The following KIF1A variants were observed in gnomAD, a reference collection of about 807,000 sequenced individuals.
KIF1A encodes the protein kinesin-like protein KIF1A.
In KIF1A, 46 loss-of-function variants were observed where a neutral mutation model predicts 227.3. The observed-to-expected ratio is 0.20, with a 90% CI of 0.16 to 0.26. The LOEUF (loss-of-function observed/expected upper bound fraction) is 0.26, where lower values mean the gene tolerates loss of function less well. KIF1A is among the 10% of genes least tolerant of loss of function. The probability of loss-of-function intolerance (pLI) is 1.00; values close to 1 mark genes in which losing one functional copy is unlikely to be tolerated. For missense variants in KIF1A, 1,683 were observed against 2,485.9 expected, an observed-to-expected ratio of 0.68 and a Z score of 6.87; for synonymous variants, 1,022 against 1,012.8, an observed-to-expected ratio of 1.01 and a Z score of -0.17.
rs770455518 is a variant in KIF1A at position 240,721,032 on chromosome 2, C to T, written c.4750G>A (p.Glu1584Lys). 27 of 1,611,562 alleles carry T rather than the reference C, an allele frequency of 1.7e-5. No individual in the cohort carries two copies. Among genetic ancestry groups the T allele is most frequent in the Non-Finnish European group, 2.1e-5 (25 of 1,179,468 alleles). ...CVSASESKLS[E>K]MSVTLLRDPS... is the part of the protein sequence containing the mutation. ...TCCCGGAGCAGGGTGACAGACATCT[C>T]GGAGAGCTGCGGAGGAGAGGCCTTT... Residue 1584 changes from glutamate to lysine, a missense_variant, in exon 45 of 49, where the codon GAG becomes AAG. Coordinates refer to ENST00000498729, the MANE Select transcript of KIF1A (RefSeq NM_001244008.2).
chr2:240,770,611 T>A (rs571194748), intron 15 of KIF1A, among the ~76,000 whole-genome samples: 1 of 152,110 alleles, frequency 6.6e-6, no homozygotes, highest in South Asian at 2.1e-4. Flanking sequence ...ACAGGAAGAG[T>A]CTCAGTCCTG....
intron 10 of KIF1A, among the ~76,000 whole-genome samples, chr2:240,780,668 CA>C (rs2053544111): frequency 6.6e-6 from 1 of 151,974 alleles, no homozygotes; most frequent in East Asian, 1.9e-4. Context: ...CTCGGGTTCC[CA>C]CCACGGTTCC....
At chr2:240,805,138 A>AGGGGAGGGAGGGCGGAGGGAGG (rs2057310302) in intron 1 of KIF1A, among the ~76,000 whole-genome samples, 1 of 11,854 alleles carries the variant, frequency 8.4e-5, no homozygotes. Context: ...GCGGAGGGAG[A>AGGGGAGGGAGGGCGGAGGGAGG]GGGGAGTGGG....
Position 240,793,508 on chromosome 2 carries a change from C to G in KIF1A, c.106+4139G>C, listed in dbSNP as rs879698985. On this transcript the variant is annotated intron_variant, in intron 2 of 48. Transcript: ENST00000498729. This position sits in a 1 kb window ranked among gnomAD's most constrained non-coding sequence, Gnocchi z 4.8. ...AGCATCTGCAGAATGGCTGGGCAGG[C>G]TCAGGGCCCTCACGTCCTCCGGTCC... 1.3e-5 allele frequency among the ~76,000 whole-genome samples: 2 copies of G among 152,142 alleles called. No homozygotes were observed. Among genetic ancestry groups the G allele is most frequent in the Non-Finnish European group, 2.9e-5 (2 of 68,026 alleles).
At chr2:240,750,767 G>C (rs2049116547) in intron 27 of KIF1A, among the ~76,000 whole-genome samples, 1 of 152,142 alleles carries the variant, frequency 6.6e-6, no homozygotes, top group Non-Finnish European at 1.5e-5. Flanking sequence ...AGGAGGACGA[G>C]GAATGAGCTG....
Position 240,792,753 on chromosome 2 carries a change from G to A in KIF1A, c.107-3441C>T, listed in dbSNP as rs188183261. On this transcript the variant is annotated intron_variant, in intron 2 of 48. Transcript: ENST00000498729. The surrounding 1 kb of genome is among the most constrained non-coding windows in gnomAD (Gnocchi z 4.5). Reference sequence around the variant, plus strand: ...CTGGCATTTGGAAATGGGGCCTTGTGAAGTGATGAGGATGAGACGAAGCCA... The same window carrying A: ...CTGGCATTTGGAAATGGGGCCTTGTAAAGTGATGAGGATGAGACGAAGCCA... 2.0e-4 allele frequency among the ~76,000 whole-genome samples: 31 copies of A among 152,266 alleles called. 1 individual carries two copies. The East Asian group carries it at 5.2e-3, about 26-fold the overall frequency.
At chr2:240,801,465 T>C (rs1428096108) in intron 1 of KIF1A, among the ~76,000 whole-genome samples, 1 of 152,000 alleles carries the variant, frequency 6.6e-6, no homozygotes, top group Non-Finnish European at 1.5e-5. Context: ...GAATAGGAAA[T>C]ATAGACATGA....
rs1479375354 is a variant in KIF1A at position 240,760,805 on chromosome 2, G to A, written c.2304C>T (p.Tyr768=). The change falls in exon 25 of 49, where the codon TAC becomes TAT. Residue 768 remains tyrosine (Y), a synonymous_variant. Transcript: ENST00000498729. The part of the protein sequence containing the change: ...FQFVLLTDTL[Y]SPLPPDLLPP... Reference sequence around the variant, plus strand: ...GCAGCAGGTCGGGTGGCAGAGGGGAGTAGAGTGTGTCCGTCAGGAGGACAA... The same window carrying A: ...GCAGCAGGTCGGGTGGCAGAGGGGAATAGAGTGTGTCCGTCAGGAGGACAA... 22 of 1,608,500 alleles carry A rather than the reference G, an allele frequency of 1.4e-5. No homozygotes were observed. The East Asian group carries it at 2.9e-4, about 21-fold the overall frequency.
intron 38 of KIF1A, chr2:240,734,692 G>C: frequency 7.7e-7 from 1 of 1,303,346 alleles, no homozygotes; most frequent in Non-Finnish European, 1.0e-6. Flanking sequence ...ATGAAACCAA[G>C]GGTAAACCAA....
intron 1 of KIF1A, among the ~76,000 whole-genome samples, chr2:240,799,708 G>C (rs1314072385): frequency 6.6e-6 from 1 of 152,208 alleles, no homozygotes; most frequent in African/African-American, 2.4e-5. Flanking sequence ...AAGTTCACCA[G>C]TCCCTGGCTA....
rs1164595622 is a variant in KIF1A, at chr2:240,729,038, TCGCTGTCTGGTACACGTCAGCAC to T, written c.4008-2121_4008-2099del. Among the ~76,000 whole-genome samples, 12 of 152,282 alleles carry T rather than the reference TCGCTGTCTGGTACACGTCAGCAC, an allele frequency of 7.9e-5. 2 individuals carry two copies. Among genetic ancestry groups the T allele is most frequent in the African/African-American group, 1.9e-4 (8 of 41,548 alleles). On this transcript the variant is annotated intron_variant, in intron 38 of 48. Coordinates refer to ENST00000498729, the MANE Select transcript of KIF1A (RefSeq NM_001244008.2). ...CATCCCTGTCTGGAACACGTCAGCATCGCTGTCTGGTACACGTCAGCACCGCTGTCTGGTACATGTCATCATCA... is the reference window on the plus strand; with the variant it reads ...CATCCCTGTCTGGAACACGTCAGCATCGCTGTCTGGTACATGTCATCATCA...
At chr2:240,771,532 T>C (rs1017858165) in intron 14 of KIF1A, among the ~76,000 whole-genome samples, 1 of 152,110 alleles carries the variant, frequency 6.6e-6, no homozygotes, top group Admixed American at 6.5e-5. Context: ...CAGGCCACCC[T>C]ACAGCCCCCA....
In KIF1A at chr2:240,758,477, C is replaced by T. The variant is rs1441846903; in HGVS notation, c.2465G>A (p.Arg822Gln). ...CTCTGCAGCGCGGTCGTACATCTCC[C>T]GCATCAGGTCCAGACGCTGCCTGCA... ...EKLRQRLDLM[R>Q]EMYDRAAEVP... Residue 822 changes from arginine (R) to glutamine (Q), a missense_variant, in exon 26 of 49, where the codon CGG (arginine) becomes CAG (glutamine). By Grantham distance (43) the Arg-to-Gln change is conservative. Coordinates refer to ENST00000498729, the MANE Select transcript of KIF1A (RefSeq NM_001244008.2). This position sits in a 1 kb window ranked among gnomAD's most constrained non-coding sequence, Gnocchi z 5.2. The T allele has an allele frequency of 4.4e-6, 7 of 1,601,110 alleles. No homozygotes were observed. The highest frequency in any genetic ancestry group is 1.1e-5 in the South Asian group (1 of 88,740).
chr2:240,810,785 AG>A (rs886711712), intron 1 of KIF1A, among the ~76,000 whole-genome samples: 14 of 152,056 alleles, frequency 9.2e-5, no homozygotes, highest in African/African-American at 3.4e-4. Flanking sequence ...CTGGGCGTGG[AG>A]GGGGTCTAAG....
chr2:240,803,815 G>A (rs1452475057), intron 1 of KIF1A, among the ~76,000 whole-genome samples: 4 of 152,190 alleles, frequency 2.6e-5, no homozygotes, highest in Non-Finnish European at 4.4e-5. Flanking sequence ...TTTATAAAAT[G>A]TTTGATTGTT....
intron 17 of KIF1A, among the ~76,000 whole-genome samples, chr2:240,768,910 A>C (rs2051560034): frequency 6.6e-6 from 1 of 151,978 alleles, no homozygotes; most frequent in South Asian, 2.1e-4. Context: ...GACCCATCTG[A>C]TGTCCCAAAG....
Position 240,717,267 on chromosome 2 carries a change from G to T in KIF1A, c.*97C>A. 1 of 1,250,398 alleles carries T rather than the reference G, an allele frequency of 8.0e-7. No homozygotes were observed. Among genetic ancestry groups the T allele is most frequent in the Non-Finnish European group, 1.2e-6 (1 of 868,022 alleles). The allele number at this position is 1,250,398 out of a possible 1,614,324, so 77.5% of individuals were successfully genotyped here. ...TGGGGGGTCGACCCGGTCGTGGGCT[G>T]TCTGGCAGGAGAGGGGCTGGGCGGC... On this transcript the variant is annotated 3_prime_UTR_variant, in exon 49 of 49. Coordinates refer to ENST00000498729, the MANE Select transcript of KIF1A (RefSeq NM_001244008.2).
At chr2:240,819,958 G>A (rs2058613443) in intron 1 of KIF1A, among the ~76,000 whole-genome samples, 164 bp downstream of exon 1, 1 of 152,118 alleles carries the variant, frequency 6.6e-6, no homozygotes, top group African/African-American at 2.4e-5. Flanking sequence ...TGGAAGTGAA[G>A]GGGCCTCGCA....
intron 2 of KIF1A, among the ~76,000 whole-genome samples, chr2:240,795,887 C>T (rs914537477): frequency 3.3e-5 from 5 of 152,218 alleles, no homozygotes; most frequent in Non-Finnish European, 7.3e-5. Context: ...TTCTTCCATC[C>T]ACTCTGCTTC....
Sources: allele counts gnomAD v4.1 joint callset (sites outside exome capture counted in the v4.1 genomes callset), GRCh38; gene constraint gnomAD v4.1.1; non-coding constraint Gnocchi (gnomAD v3.1); transcripts MANE v1.5; gene names NCBI Gene and HGNC (gene_info 2026-07-23, HGNC 2026-07-21).